Variants in PALLD observed in about 807,000 individuals in gnomAD.
The protein encoded by PALLD is palladin, cytoskeletal associated protein.
PALLD carries 61 observed loss-of-function variants against 123.5 expected under a neutral mutation model. The ratio of observed to expected loss-of-function variants is 0.49; its 90% confidence interval spans 0.40 to 0.61. PALLD has a LOEUF of 0.61. Among genes scored for constraint, PALLD ranks in the 20% least tolerant of loss-of-function variants. The probability of loss-of-function intolerance (pLI) is 0.00; values close to 1 mark genes in which losing one functional copy is unlikely to be tolerated. For synonymous variants in PALLD, 465 were observed against 496.4 expected, an observed-to-expected ratio of 0.94 and a Z score of 0.84; for missense variants, 1,273 against 1,377.0, an observed-to-expected ratio of 0.92 and a Z score of 1.20.
chr4:168,556,458 G>T (rs1445036875), intron 2 of PALLD, among the ~76,000 whole-genome samples: 2 of 152,166 alleles, frequency 1.3e-5, no homozygotes, highest in East Asian at 3.9e-4. Context: ...AAAAGGTAAA[G>T]TGTTTTCCCT....
At chr4:168,749,629 G>T (rs201540851) in intron 10 of PALLD, among the ~76,000 whole-genome samples, 1 of 152,134 alleles carries the variant, frequency 6.6e-6, no homozygotes, top group Non-Finnish European at 1.5e-5. Flanking sequence ...ACTTGAACCC[G>T]AGAGGCAGAG....
At chr4:168,851,715 A>G (rs917532425) in intron 10 of PALLD, among the ~76,000 whole-genome samples, 13 of 152,186 alleles carry the variant, frequency 8.5e-5, no homozygotes, top group African/African-American at 3.1e-4. Flanking sequence ...TTAATAAGTA[A>G]TTTATTAAAG....
In PALLD at chr4:168,511,718, C is replaced by T; in HGVS notation, c.214C>T (p.Pro72Ser). The T allele has an allele frequency of 2.5e-6, 4 of 1,614,178 alleles. No homozygotes were observed. Among genetic ancestry groups the T allele is most frequent in the Non-Finnish European group, 3.4e-6 (4 of 1,180,032 alleles). Residue 72 changes from proline (P) to serine (S), a missense_variant, in exon 2 of 22, where the codon CCT becomes TCT. This residue lies in a region of PALLD where 944 missense variants were observed against 954.5 expected (regional missense o/e 0.99). Coordinates refer to ENST00000505667, the MANE Select transcript of PALLD (RefSeq NM_001166108.2). ...GATCTCGCAGATTTTCAGTACTTCT[C>T]CTGCAAGCCTCTGTGAACATCCTTC... ...KEISQIFSTS[P>S]ASLCEHPSHK...
chr4:168,556,324 T>C (rs923886631), intron 2 of PALLD, among the ~76,000 whole-genome samples: 3 of 152,100 alleles, frequency 2.0e-5, no homozygotes, highest in Non-Finnish European at 4.4e-5. Flanking sequence ...CTCGATCTCC[T>C]GACCTCGTGA....
At chr4:168,846,833 G>A (rs1194670563) in intron 10 of PALLD, among the ~76,000 whole-genome samples, 1 of 152,170 alleles carries the variant, frequency 6.6e-6, no homozygotes, top group Non-Finnish European at 1.5e-5. Context: ...GGCATCCAGT[G>A]GGTACCAGGA....
intron 10 of PALLD, among the ~76,000 whole-genome samples, chr4:168,763,725 G>A (rs1733272334): frequency 6.6e-6 from 1 of 152,166 alleles, no homozygotes; most frequent in Non-Finnish European, 1.5e-5. Flanking sequence ...ACCAGTGCAT[G>A]GAGCCATTGT....
At chr4:168,571,319 T>A (rs1000583879) in intron 2 of PALLD, among the ~76,000 whole-genome samples, 8 of 152,168 alleles carry the variant, frequency 5.3e-5, no homozygotes, top group Admixed American at 1.3e-4. Context: ...TCTAGCTGGA[T>A]CCATTTTAAA....
At chr4:168,839,491 G>A (rs1354095069) in intron 10 of PALLD, among the ~76,000 whole-genome samples, 17 of 151,090 alleles carry the variant, frequency 1.1e-4, no homozygotes. Flanking sequence ...TCAGCTGAGC[G>A]AATGGCAAAG....
At chr4:168,846,428 AG>A (rs1455203181) in intron 10 of PALLD, among the ~76,000 whole-genome samples, 1 of 152,208 alleles carries the variant, frequency 6.6e-6, no homozygotes, top group East Asian at 1.9e-4. Flanking sequence ...ATCAACAAAG[AG>A]TTCCTTTTAT....
At chr4:168,827,637 A>C (rs552115336) in intron 10 of PALLD, among the ~76,000 whole-genome samples, 11 of 152,238 alleles carry the variant, frequency 7.2e-5, no homozygotes, top group Non-Finnish European at 1.3e-4. Context: ...TTGTTTGATA[A>C]ATGTAGTTGG....
At chr4:168,656,912 C>T (rs1353268195) in intron 2 of PALLD, among the ~76,000 whole-genome samples, 1 of 152,186 alleles carries the variant, frequency 6.6e-6, no homozygotes. Context: ...GGGGCCAACA[C>T]TAATTGGTTG....
intron 10 of PALLD, among the ~76,000 whole-genome samples, chr4:168,745,284 C>G (rs1730109955): frequency 6.6e-6 from 1 of 152,050 alleles, no homozygotes; most frequent in Non-Finnish European, 1.5e-5. Flanking sequence ...AGCCTAGGAC[C>G]CAAGCCTCCT....
chr4:168,658,094 C>T (rs1016116943), intron 2 of PALLD, among the ~76,000 whole-genome samples: 1 of 152,048 alleles, frequency 6.6e-6, no homozygotes, highest in South Asian at 2.1e-4. Context: ...AGGTATTTAC[C>T]CCAGACAATG....
rs761365166 is a variant in PALLD, at chr4:168,675,001, A to G, written c.1088-6331A>G. Among the ~76,000 whole-genome samples, 21 of 152,244 alleles carry G rather than the reference A, an allele frequency of 1.4e-4. 1 individual carries two copies. The highest frequency in any genetic ancestry group is 2.5e-4 in the Non-Finnish European group (17 of 68,038). The stretch of plus-strand genomic sequence containing the variant: ...AGATGGCGAGAGGGTACCCTCAAGA[A>G]CTAGCTGGCAGAGAGAGCTTCTCAA... On this transcript the variant is annotated intron_variant, in intron 3 of 21. Coordinates refer to ENST00000505667, the MANE Select transcript of PALLD (RefSeq NM_001166108.2).
At chr4:168,895,631 A>G (rs1467548131) in intron 12 of PALLD, among the ~76,000 whole-genome samples, 1 of 152,232 alleles carries the variant, frequency 6.6e-6, no homozygotes, top group Non-Finnish European at 1.5e-5. Context: ...AAAGGTCTTC[A>G]TCCTCATTGT....
chr4:168,779,330 T>C (rs1735579919), intron 10 of PALLD, among the ~76,000 whole-genome samples: 1 of 152,208 alleles, frequency 6.6e-6, no homozygotes, highest in South Asian at 2.1e-4. Flanking sequence ...TGTAATGTAT[T>C]AGAAACATGA....
At chr4:168,684,307 A>C (rs1781820398) in intron 5 of PALLD, among the ~76,000 whole-genome samples, 1 of 152,300 alleles carries the variant, frequency 6.6e-6, no homozygotes, top group Middle Eastern at 3.4e-3. Context: ...CTACAAAGAC[A>C]TGGAATGGAA....
At position 168,685,473 on chromosome 4, in the gene PALLD, C is replaced by T; in HGVS notation, c.1261-12C>T. 1 of 1,581,514 alleles carries T rather than the reference C, an allele frequency of 6.3e-7. No homozygotes were observed. ...TATTTAGAATTTGATCCATATGTCTCTGCTTTTGCAGGTTCACAGTCCAAC... is the reference window on the plus strand; with the variant it reads ...TATTTAGAATTTGATCCATATGTCTTTGCTTTTGCAGGTTCACAGTCCAAC... On this transcript the variant is annotated splice_polypyrimidine_tract_variant and intron_variant, in intron 5 of 21. Coordinates refer to ENST00000505667, the MANE Select transcript of PALLD (RefSeq NM_001166108.2).
At chr4:168,883,117 C>G (rs1228989039) in intron 10 of PALLD, among the ~76,000 whole-genome samples, 13 of 150,900 alleles carry the variant, frequency 8.6e-5, no homozygotes, top group Admixed American at 6.6e-4. Flanking sequence ...AACCCACGTG[C>G]CTTTGTCATT....
Sources: allele counts gnomAD v4.1 joint callset (sites outside exome capture counted in the v4.1 genomes callset), GRCh38; gene constraint gnomAD v4.1.1; regional missense constraint gnomAD v4.1.1; transcripts MANE v1.5; gene names NCBI Gene and HGNC (gene_info 2026-07-23, HGNC 2026-07-21).